MLLT10: variants seen among roughly 807,000 people sequenced by gnomAD.
MLLT10 encodes MLLT10 histone lysine methyltransferase DOT1L cofactor, also known as protein AF-10.
Under a neutral mutation model 129.1 loss-of-function variants are expected in MLLT10, and 30 were observed. The ratio of observed to expected loss-of-function variants is 0.23; its 90% CI spans 0.17 to 0.32. MLLT10 has a LOEUF of 0.32. Ranked by LOEUF, MLLT10 falls within the 10% of genes least tolerant of loss-of-function variation. The probability of loss-of-function intolerance (pLI) is 1.00; values close to 1 mark genes in which losing one functional copy is unlikely to be tolerated. For missense variants in MLLT10, 1,119 were observed against 1,268.3 expected, an observed-to-expected ratio of 0.88 and a Z score of 1.79; for synonymous variants, 490 against 446.4, an observed-to-expected ratio of 1.10 and a Z score of -1.23.
intron 13 of MLLT10, among the ~76,000 whole-genome samples, chr10:21,703,865 T>C (rs191894126): frequency 1.3e-5 from 2 of 151,982 alleles, no homozygotes; most frequent in African/African-American, 4.8e-5. Context: ...AGTTTTAATC[T>C]AGTATTTTGT....
At chr10:21,621,000 C>T (rs1259606699) in intron 8 of MLLT10, among the ~76,000 whole-genome samples, 1 of 149,500 alleles carries the variant, frequency 6.7e-6, no homozygotes, top group Non-Finnish European at 1.5e-5. Context: ...TTTTTTTTTT[C>T]CTGAGACGGA....
At chr10:21,579,023 G>A (rs2041090266) in intron 3 of MLLT10, among the ~76,000 whole-genome samples, 1 of 152,114 alleles carries the variant, frequency 6.6e-6, no homozygotes, top group Admixed American at 6.6e-5. Flanking sequence ...AATTTCTTTA[G>A]CCTTTCTTGC....
intron 5 of MLLT10, among the ~76,000 whole-genome samples, chr10:21,605,157 A>G (rs2043935635): frequency 6.6e-6 from 1 of 152,070 alleles, no homozygotes; most frequent in Admixed American, 6.5e-5. Flanking sequence ...TCTACCTTAA[A>G]CATGCTTAGA....
At chr10:21,632,993 C>G (rs2047142014) in intron 8 of MLLT10, among the ~76,000 whole-genome samples, 1 of 152,054 alleles carries the variant, frequency 6.6e-6, no homozygotes, top group Non-Finnish European at 1.5e-5. Context: ...CTTAGAGTTC[C>G]TTTTAACTCT....
Position 21,625,342 on chromosome 10 carries a change from A to G in MLLT10, c.699+8135A>G, listed in dbSNP as rs1007235036. ...TGTCTTCAGAATGAACAAATGCATA[A>G]TCTTTCAACTTATTTACTCTTTGGA... On this transcript the variant is annotated intron_variant, in intron 8 of 22. Transcript: ENST00000307729. The G allele has an allele frequency of 7.8e-6, 6 of 766,692 alleles. No individual in the cohort carries two copies. In the Admixed American group the frequency reaches 1.0e-4, roughly 13 times the overall value. The allele number at this position is 766,692 out of a possible 1,614,324, so 47.5% of individuals were successfully genotyped here. A position where few individuals can be genotyped will look rare whatever the true frequency, so the allele number is the denominator to read the frequency against.
intron 3 of MLLT10, among the ~76,000 whole-genome samples, chr10:21,572,967 A>G (rs185822668): frequency 1.3e-5 from 2 of 152,124 alleles, no homozygotes; most frequent in African/African-American, 2.4e-5. Flanking sequence ...AATATTAAAT[A>G]CATTTTTTAG....
chr10:21,538,418 C>CGTGA (rs2034482727), intron 2 of MLLT10, among the ~76,000 whole-genome samples: 3 of 152,066 alleles, frequency 2.0e-5, no homozygotes, highest in Admixed American at 1.3e-4. Context: ...CTGTCTCAGC[C>CGTGA]TCCCAAAGTG....
At chr10:21,711,345 C>T (rs2131508384) in intron 13 of MLLT10, among the ~76,000 whole-genome samples, 1 of 151,944 alleles carries the variant, frequency 6.6e-6, no homozygotes, top group East Asian at 1.9e-4. Flanking sequence ...ATCACTTGAA[C>T]CCGCGGGTAG....
intron 3 of MLLT10, among the ~76,000 whole-genome samples, chr10:21,576,883 G>T (rs1234051840): frequency 1.3e-5 from 2 of 152,118 alleles, no homozygotes; most frequent in Non-Finnish European, 2.9e-5. Flanking sequence ...CGCCCGCCTC[G>T]GCCTCCTAAA....
At chr10:21,689,565 G>GTATATATATATA (rs71393919) in intron 13 of MLLT10, among the ~76,000 whole-genome samples, 14 of 113,454 alleles carry the variant, frequency 1.2e-4, no homozygotes, top group East Asian at 1.1e-3. Context: ...ATATATATAT[G>GTATATATATATA]TATATATATA....
intron 13 of MLLT10, among the ~76,000 whole-genome samples, chr10:21,707,955 G>A (rs2055688907): frequency 6.6e-6 from 1 of 152,144 alleles, no homozygotes; most frequent in Admixed American, 6.5e-5. Flanking sequence ...TTTTTAGACA[G>A]GTCTTTCTTG....
At chr10:21,667,599 A>G (rs908040790) in intron 9 of MLLT10, among the ~76,000 whole-genome samples, 1 of 151,786 alleles carries the variant, frequency 6.6e-6, no homozygotes, top group Non-Finnish European at 1.5e-5. Context: ...TTGGCTTGGT[A>G]CAAAGTTTGT....
At chr10:21,660,775 G>A (rs1334796637) in intron 9 of MLLT10, among the ~76,000 whole-genome samples, 1 of 151,130 alleles carries the variant, frequency 6.6e-6, no homozygotes, top group Non-Finnish European at 1.5e-5. Flanking sequence ...TCAGGAGGCT[G>A]AGGCAGGGAA....
chr10:21,723,510 A>T (rs1459804413), intron 14 of MLLT10, among the ~76,000 whole-genome samples: 1 of 152,222 alleles, frequency 6.6e-6, no homozygotes, highest in African/African-American at 2.4e-5. Context: ...AACGAGAGTC[A>T]AAAGGCTGGG....
chr10:21,738,357 A>G lies in MLLT10; in HGVS notation c.2956-1673A>G, dbSNP rs190548101. Reference sequence around the variant, plus strand: ...ATCTTAATATGAGCACTAAAACTCCATTTATTTGGGTGTCTTCCTATTAAT... The same window carrying G: ...ATCTTAATATGAGCACTAAAACTCCGTTTATTTGGGTGTCTTCCTATTAAT... On this transcript the variant is annotated intron_variant, in intron 21 of 22. Coordinates refer to ENST00000307729, the MANE Select transcript of MLLT10 (RefSeq NM_001195626.3). 8.6e-4 allele frequency: 1,079 copies of G among 1,257,640 alleles called. 1 individual carries two copies. Among genetic ancestry groups the G allele is most frequent in the Non-Finnish European group, 1.1e-3 (1,042 of 964,854 alleles). The allele number at this position is 1,257,640 out of a possible 1,614,324, so 77.9% of individuals were successfully genotyped here. A position where few individuals can be genotyped will look rare whatever the true frequency, so the allele number is the denominator to read the frequency against.
intron 3 of MLLT10, among the ~76,000 whole-genome samples, chr10:21,548,430 T>G (rs950642565): frequency 2.0e-5 from 3 of 151,410 alleles, no homozygotes; most frequent in African/African-American, 7.3e-5. Context: ...AGTGCAGTGT[T>G]GCGATCTCGG....
chr10:21,566,630 A>C (rs1264533961), intron 3 of MLLT10, among the ~76,000 whole-genome samples: 1 of 150,624 alleles, frequency 6.6e-6, no homozygotes, highest in African/African-American at 2.4e-5. Context: ...GCCTTGTTTT[A>C]GTTTTTGTTT....
intron 3 of MLLT10, among the ~76,000 whole-genome samples, chr10:21,580,731 T>G (rs2041330864): frequency 5.3e-5 from 8 of 151,752 alleles, no homozygotes; most frequent in Admixed American, 5.3e-4. Flanking sequence ...AGACAGAGTC[T>G]TGCACTGTCG....
At chr10:21,585,974 T>A (rs950674399) in intron 3 of MLLT10, among the ~76,000 whole-genome samples, 6 of 152,158 alleles carry the variant, frequency 3.9e-5, no homozygotes, top group African/African-American at 1.4e-4. Context: ...TTGGTCAGGC[T>A]GGTCTCGAAC....
Sources: allele counts gnomAD v4.1 joint callset (sites outside exome capture counted in the v4.1 genomes callset), GRCh38; gene constraint gnomAD v4.1.1; transcripts MANE v1.5; gene names NCBI Gene and HGNC (gene_info 2026-07-23, HGNC 2026-07-21).